The following PCDHA1 variants were observed in gnomAD, a reference collection of about 807,000 sequenced individuals.
PCDHA1 encodes the protein protocadherin alpha 1, also known as protocadherin alpha-1.
A neutral mutation model predicts 61.3 loss-of-function variants in PCDHA1; 42 were observed. The observed-to-expected ratio is 0.69, with a 90% CI of 0.54 to 0.89. PCDHA1 has a LOEUF of 0.89. PCDHA1 is among the 40% of genes least tolerant of loss of function. The probability of loss-of-function intolerance (pLI) is 0.00; values close to 1 mark genes in which losing one functional copy is unlikely to be tolerated. For missense variants in PCDHA1, 1,256 were observed against 1,235.3 expected, an observed-to-expected ratio of 1.02 and a Z score of -0.25; for synonymous variants, 610 against 553.8, an observed-to-expected ratio of 1.10 and a Z score of -1.43.
intron 3 of PCDHA1, among the ~76,000 whole-genome samples, chr5:141,003,371 G>A (rs782012251): frequency 2.0e-5 from 3 of 152,148 alleles, no homozygotes; most frequent in African/African-American, 7.2e-5. Flanking sequence ...GAGTGCAGTG[G>A]TGCAATCTCA....
chr5:140,877,558 A>T, intron 1 of PCDHA1: 1 of 1,613,746 alleles, frequency 6.2e-7, no homozygotes, highest in Non-Finnish European at 8.5e-7. Flanking sequence ...TCTGGTGGAT[A>T]TTAACGTGTA....
In PCDHA1 at chr5:141,009,726, C is replaced by A. The variant is rs373683237; in HGVS notation, c.2642C>A (p.Pro881His). Residue 881 changes from proline to histidine, a missense_variant, in exon 4 of 4, where the codon CCC (proline) becomes CAC (histidine). By Grantham distance (77) the Pro-to-His change is moderately conservative (BLOSUM62 -2). Coordinates refer to ENST00000504120, the MANE Select transcript of PCDHA1 (RefSeq NM_018900.4). ...YGPGNPKQSGPGELPDKFIIP... is the reference protein window; with the variant it reads ...YGPGNPKQSGHGELPDKFIIP... The stretch of plus-strand genomic sequence containing the variant: ...CCAGGCAACCCCAAACAATCCGGTC[C>A]CGGTGAGTTGCCCGACAAATTCATT... 85 of 1,614,016 alleles carry A rather than the reference C, an allele frequency of 5.3e-5. No individual in the cohort carries two copies. Among genetic ancestry groups the A allele is most frequent in the Non-Finnish European group, 4.4e-5 (52 of 1,180,032 alleles).
chr5:140,955,284 T>C (rs1207930664), intron 1 of PCDHA1, among the ~76,000 whole-genome samples: 1 of 152,170 alleles, frequency 6.6e-6, no homozygotes, highest in African/African-American at 2.4e-5. Context: ...CATATTGATA[T>C]GGTTTGGCTG....
intron 1 of PCDHA1, among the ~76,000 whole-genome samples, chr5:140,941,368 G>A (rs2093051755): frequency 7.3e-6 from 1 of 136,646 alleles, no homozygotes; most frequent in Non-Finnish European, 1.5e-5. Context: ...CTAGGCTGGA[G>A]TGTAGTGACA....
chr5:141,010,312 G>C lies in PCDHA1; in HGVS notation c.*375G>C. On this transcript the variant is annotated 3_prime_UTR_variant, in exon 4 of 4. Transcript: ENST00000504120. ...TGCAGGGCAGGCTGAAAAGTTTTGA[G>C]ATTGAGCAGCTTGGGAGTTTGTGGC... is the stretch of plus-strand genomic sequence containing the variant. 1 of 1,547,400 alleles carries C rather than the reference G, an allele frequency of 6.5e-7. No individual in the cohort carries two copies. The highest frequency in any genetic ancestry group is 8.7e-7 in the Non-Finnish European group (1 of 1,145,752).
chr5:140,968,489 C>T (rs1024952304), intron 1 of PCDHA1: 30 of 1,614,008 alleles, frequency 1.9e-5, no homozygotes, highest in Non-Finnish European at 2.5e-5. Context: ...CATGAATGAC[C>T]ATGCCCCTCA....
intron 1 of PCDHA1, chr5:140,865,687 A>G (rs924237080): frequency 3.3e-5 from 5 of 152,204 alleles, no homozygotes; most frequent in African/African-American, 1.2e-4. Flanking sequence ...AGTACATATG[A>G]CTGTTCCAAT....
intron 1 of PCDHA1, among the ~76,000 whole-genome samples, chr5:140,894,932 A>G (rs2064735231): frequency 6.6e-6 from 1 of 152,184 alleles, no homozygotes; most frequent in Non-Finnish European, 1.5e-5. Flanking sequence ...ATTTCTATTC[A>G]GCTATTGTCA....
chr5:140,856,012 G>T, intron 1 of PCDHA1: 1 of 1,547,012 alleles, frequency 6.5e-7, no homozygotes, highest in Non-Finnish European at 8.8e-7. Context: ...GTTCTAGACC[G>T]CTGATTCGTC....
chr5:140,849,999 C>G lies in PCDHA1; in HGVS notation c.2394+61315C>G, dbSNP rs1554143600. The G allele has an allele frequency of 3.1e-6, 5 of 1,596,930 alleles. No individual in the cohort carries two copies. In the African/African-American group the frequency reaches 5.4e-5, roughly 17 times the overall value. The stretch of plus-strand genomic sequence containing the variant: ...GCTGGTGGAGCGGCGGTTGGGCGAG[C>G]GCTCGCTGTCGAGCTACGTGTCAGT... On this transcript the variant is annotated intron_variant, in intron 1 of 3. Coordinates refer to ENST00000504120, the MANE Select transcript of PCDHA1 (RefSeq NM_018900.4).
chr5:140,967,963 A>G (rs1554230144), intron 1 of PCDHA1: 1 of 1,614,210 alleles, frequency 6.2e-7, no homozygotes, highest in South Asian at 1.1e-5. Flanking sequence ...CCAACCGGAA[A>G]GTGAGCCTGG....
intron 1 of PCDHA1, among the ~76,000 whole-genome samples, chr5:140,837,617 C>A (rs1249058339): frequency 6.8e-6 from 1 of 146,230 alleles, no homozygotes; most frequent in Non-Finnish European, 1.5e-5. Flanking sequence ...TAATTTGCCC[C>A]TTCCTTCCTT....
At chr5:141,003,536 C>T (rs1409675219) in intron 3 of PCDHA1, among the ~76,000 whole-genome samples, 1 of 152,152 alleles carries the variant, frequency 6.6e-6, no homozygotes, top group Non-Finnish European at 1.5e-5. Context: ...TGGTCTTGAA[C>T]TCCTGGCTTC....
intron 1 of PCDHA1, chr5:140,884,248 G>T (rs1554181373): frequency 1.2e-6 from 2 of 1,613,458 alleles, no homozygotes; most frequent in East Asian, 4.5e-5. Flanking sequence ...CCGCGCTGAC[G>T]GCCACGGCAA....
In PCDHA1 at chr5:140,856,803, A is replaced by C. The variant is rs782347816; in HGVS notation, c.2394+68119A>C. On this transcript the variant is annotated intron_variant, in intron 1 of 3. Coordinates refer to ENST00000504120, the MANE Select transcript of PCDHA1 (RefSeq NM_018900.4). ...CCGGTTTATGAAGTTAAGATGTATGAAAATCAAGTGAACCAAACATTAGTA... is the reference window on the plus strand; with the variant it reads ...CCGGTTTATGAAGTTAAGATGTATGCAAATCAAGTGAACCAAACATTAGTA... 9.4e-6 allele frequency: 15 copies of C among 1,595,568 alleles called. 2 individuals are homozygous for C. In the Admixed American group the frequency reaches 1.2e-4, roughly 13 times the overall value.
chr5:140,968,176 G>A, intron 1 of PCDHA1: 1 of 1,614,062 alleles, frequency 6.2e-7, no homozygotes, highest in Non-Finnish European at 8.5e-7. Flanking sequence ...CAAGCTTCCT[G>A]GAGGACTCCT....
intron 1 of PCDHA1, chr5:140,927,419 G>T (rs781883331): frequency 1.9e-6 from 3 of 1,614,140 alleles, no homozygotes; most frequent in South Asian, 2.2e-5. Flanking sequence ...ATGGGATCGC[G>T]GGTTGACGGC....
intron 1 of PCDHA1, chr5:140,967,384 G>A (rs1422023127): frequency 2.5e-6 from 4 of 1,609,080 alleles, no homozygotes; most frequent in Non-Finnish European, 3.4e-6. Flanking sequence ...ACAGTAAAGT[G>A]CTTGAGCTGG....
rs1015706913 is a variant in PCDHA1, at chr5:140,985,292, T to C, written c.2542+2729T>C. 2.0e-5 allele frequency among the ~76,000 whole-genome samples: 3 copies of C among 152,294 alleles called. No homozygotes were observed. The East Asian group carries it at 5.8e-4, about 29-fold the overall frequency. ...TACTTTTCTGCAATCTATGATATAG[T>C]GTTGGCTGATAGCCTGGTGGCCAGA... On this transcript the variant is annotated intron_variant, in intron 3 of 3. Transcript: ENST00000504120.
Sources: allele counts gnomAD v4.1 joint callset (sites outside exome capture counted in the v4.1 genomes callset), GRCh38; gene constraint gnomAD v4.1.1; transcripts MANE v1.5; gene names NCBI Gene and HGNC (gene_info 2026-07-23, HGNC 2026-07-21).